The following EYA1 variants were observed in gnomAD, a reference collection of about 807,000 sequenced individuals.
EYA1 encodes the protein protein phosphatase EYA1.
EYA1 carries 16 observed loss-of-function variants against 82.0 expected under a neutral mutation model. The ratio of observed to expected loss-of-function variants is 0.20; its 90% confidence interval spans 0.13 to 0.30. EYA1 has a LOEUF of 0.30. EYA1 is among the 10% of genes least tolerant of loss of function. The pLI, the probability that EYA1 is intolerant of heterozygous loss-of-function variation, is 1.00. For missense variants in EYA1, 633 were observed against 730.7 expected (o/e 0.87, Z 1.54); for synonymous variants, 261 against 264.4 (o/e 0.99, Z 0.12).
At chr8:71,337,559 T>C (rs1824643313) in intron 3 of EYA1, among the ~76,000 whole-genome samples, 1 of 152,186 alleles carries the variant, frequency 6.6e-6, no homozygotes. Context: ...AGTTTTGGTC[T>C]TGAAGTCAGA....
chr8:71,479,478 C>T (rs1364672285), intron 2 of EYA1, among the ~76,000 whole-genome samples: 2 of 152,060 alleles, frequency 1.3e-5, no homozygotes, highest in African/African-American at 4.8e-5. Flanking sequence ...TGCCCACCCC[C>T]CAGGCTGTAA....
intron 9 of EYA1, among the ~76,000 whole-genome samples, chr8:71,281,588 G>A (rs2128969604): frequency 6.6e-6 from 1 of 152,262 alleles, no homozygotes; most frequent in South Asian, 2.1e-4. Flanking sequence ...TTTATCTCTG[G>A]CCACTGCCAC....
At chr8:71,437,049 T>C (rs555946656) in intron 2 of EYA1, among the ~76,000 whole-genome samples, 2 of 34,864 alleles carry the variant, frequency 5.7e-5, no homozygotes, top group East Asian at 2.4e-4. Context: ...TGTGTGTGTA[T>C]ATCTACATAT....
intron 2 of EYA1, among the ~76,000 whole-genome samples, chr8:71,506,446 G>A (rs1261824237): frequency 7.2e-5 from 11 of 152,184 alleles, no homozygotes; most frequent in Admixed American, 7.2e-4. Flanking sequence ...TGACTATGAT[G>A]CATGATGTGT....
At chr8:71,238,313 T>G (rs1812087002) in intron 12 of EYA1, among the ~76,000 whole-genome samples, 1 of 152,200 alleles carries the variant, frequency 6.6e-6, no homozygotes, top group Admixed American at 6.5e-5. Context: ...TTCTTCACGC[T>G]ATTGTAGAAT....
intron 3 of EYA1, among the ~76,000 whole-genome samples, chr8:71,341,120 T>A (rs1306633661): frequency 6.6e-6 from 1 of 152,178 alleles, no homozygotes; most frequent in Non-Finnish European, 1.5e-5. Flanking sequence ...TTACTGAAAT[T>A]TTTGTATGTT....
intron 12 of EYA1, among the ~76,000 whole-genome samples, chr8:71,236,398 A>G (rs1460817048): frequency 6.6e-6 from 1 of 152,174 alleles, no homozygotes. Context: ...AATAGGCTAG[A>G]TTGTATCTTA....
intron 2 of EYA1, among the ~76,000 whole-genome samples, chr8:71,396,550 G>C (rs1388882326): frequency 1.3e-5 from 2 of 152,148 alleles, no homozygotes; most frequent in African/African-American, 2.4e-5. Flanking sequence ...TCGTTATATA[G>C]CCAGTAGTCA....
At chr8:71,415,185 C>G (rs893078378) in intron 2 of EYA1, among the ~76,000 whole-genome samples, 1 of 152,152 alleles carries the variant, frequency 6.6e-6, no homozygotes, top group Non-Finnish European at 1.5e-5. Context: ...TGCAAAGACA[C>G]CTTTCTTCCT....
At chr8:71,250,824 G>T (rs1170987307) in intron 11 of EYA1, among the ~76,000 whole-genome samples, 1 of 152,038 alleles carries the variant, frequency 6.6e-6, no homozygotes, top group Non-Finnish European at 1.5e-5. Flanking sequence ...CTTTGGTGGA[G>T]GAATAAATGA....
Position 71,424,208 on chromosome 8 carries a change from T to G in EYA1, c.34-67697A>C, listed in dbSNP as rs1207476531. 3.3e-5 allele frequency among the ~76,000 whole-genome samples: 5 copies of G among 152,198 alleles called. No homozygotes were observed. The East Asian group carries it at 9.6e-4, about 29-fold the overall frequency. ...GAATATTGCCAAGGGAATATATTTA[T>G]CTGGCATACATTCCAAATGAAATAT... On this transcript the variant is annotated intron_variant, in intron 2 of 18. Transcript: ENST00000643681.
At chr8:71,487,749 C>T (rs1810682156) in intron 2 of EYA1, among the ~76,000 whole-genome samples, 2 of 152,078 alleles carry the variant, frequency 1.3e-5, no homozygotes, top group African/African-American at 4.8e-5. Context: ...CAAGAAAAGA[C>T]AAATTAAATC....
At chr8:71,279,179 T>G (rs1412401655) in intron 9 of EYA1, among the ~76,000 whole-genome samples, 1 of 152,192 alleles carries the variant, frequency 6.6e-6, no homozygotes, top group Non-Finnish European at 1.5e-5. Context: ...TAATCAATAA[T>G]TATATTCTAT....
intron 7 of EYA1, among the ~76,000 whole-genome samples, chr8:71,305,294 A>C (rs1820604735): frequency 7.0e-6 from 1 of 143,022 alleles, no homozygotes; most frequent in Admixed American, 7.0e-5. Flanking sequence ...ATATCATGAA[A>C]ATTCCTCAAA....
chr8:71,489,774 A>G (rs1163596334), intron 2 of EYA1, among the ~76,000 whole-genome samples: 1 of 152,264 alleles, frequency 6.6e-6, no homozygotes, highest in Non-Finnish European at 1.5e-5. Context: ...TTTTAATTAT[A>G]ATGTCATAGA....
intron 2 of EYA1, among the ~76,000 whole-genome samples, chr8:71,515,005 A>T (rs1229924558): frequency 6.6e-6 from 1 of 152,112 alleles, no homozygotes; most frequent in African/African-American, 2.4e-5. Context: ...GAATAAGACA[A>T]CTCCTAATAA....
chr8:71,425,567 A>G (rs562125359), intron 2 of EYA1, among the ~76,000 whole-genome samples: 1 of 152,092 alleles, frequency 6.6e-6, no homozygotes, highest in East Asian at 1.9e-4. Context: ...ACACAACCAT[A>G]AGGGGGGAAA....
At chr8:71,212,585 T>C (rs1808653441) in intron 16 of EYA1, among the ~76,000 whole-genome samples, 1 of 152,234 alleles carries the variant, frequency 6.6e-6, no homozygotes, top group South Asian at 2.1e-4. Context: ...TATCTCCTAT[T>C]GGGCTCATTG....
chr8:71,368,824 A>G (rs533760028), intron 2 of EYA1, among the ~76,000 whole-genome samples: 10 of 152,200 alleles, frequency 6.6e-5, no homozygotes, highest in African/African-American at 2.4e-4. Flanking sequence ...GAATTTTCCA[A>G]AATTATGCCT....
Sources: allele counts gnomAD v4.1 joint callset (sites outside exome capture counted in the v4.1 genomes callset), GRCh38; gene constraint gnomAD v4.1.1; transcripts MANE v1.5; gene names NCBI Gene and HGNC (gene_info 2026-07-23, HGNC 2026-07-21).